Variants in PRKCB observed in about 807,000 individuals in gnomAD.
The protein encoded by PRKCB is protein kinase C beta.
A neutral mutation model predicts 81.5 loss-of-function variants in PRKCB; 13 were observed. That is an observed-to-expected ratio of 0.16 (90% CI 0.10 to 0.25). The LOEUF (loss-of-function observed/expected upper bound fraction) is 0.25, where lower values mean the gene tolerates loss of function less well. Ranked by LOEUF, PRKCB falls within the 10% of genes least tolerant of loss-of-function variation. The pLI, the probability that PRKCB is intolerant of heterozygous loss-of-function variation, is 1.00. For synonymous variants in PRKCB, 335 were observed against 321.4 expected, an observed-to-expected ratio of 1.04 and a Z score of -0.45; for missense variants, 509 against 875.7, an observed-to-expected ratio of 0.58 and a Z score of 5.29.
Position 24,219,677 on chromosome 16 carries a change from C to T in PRKCB, c.*4861C>T. The T allele has an allele frequency of 2.4e-6, 3 of 1,225,702 alleles. No individual in the cohort carries two copies. Among genetic ancestry groups the T allele is most frequent in the Non-Finnish European group, 1.0e-6 (1 of 977,752 alleles). 75.9% of individuals were successfully genotyped at this position (1,225,702 alleles called of 1,614,324 possible). A position where few individuals can be genotyped will look rare whatever the true frequency, so the allele number is the denominator to read the frequency against. On this transcript the variant is annotated 3_prime_UTR_variant, in exon 17 of 17. Coordinates refer to ENST00000643927, the MANE Select transcript of PRKCB (RefSeq NM_002738.7). ...AGCAACACACACACACACACACACA[C>T]ACACACACACACACACACACACACA...
intron 8 of PRKCB, among the ~76,000 whole-genome samples, chr16:24,120,026 C>T (rs1350848499): frequency 6.6e-6 from 1 of 152,132 alleles, no homozygotes; most frequent in African/African-American, 2.4e-5. Context: ...TACAAAGAGA[C>T]AAATTACCGA....
intron 2 of PRKCB, among the ~76,000 whole-genome samples, chr16:23,951,682 T>C (rs1964286946): frequency 1.3e-5 from 2 of 149,712 alleles, no homozygotes; most frequent in Non-Finnish European, 3.0e-5. Context: ...CCTCCCAAGG[T>C]GCTGAGATTA....
chr16:24,170,067 C>T (rs1333083936), intron 10 of PRKCB, among the ~76,000 whole-genome samples: 2 of 152,198 alleles, frequency 1.3e-5, no homozygotes, highest in Admixed American at 1.3e-4. Flanking sequence ...CAGGCACGAG[C>T]CGCTGTGCCC....
rs546583817 is a variant in PRKCB, at chr16:24,046,866, GCAGT to G, written c.529+11322_529+11325del. 2.8e-3 allele frequency among the ~76,000 whole-genome samples: 420 copies of G among 152,220 alleles called. 1 individual carries two copies. The highest frequency in any genetic ancestry group is 4.5e-3 in the Non-Finnish European group (305 of 68,018). Reference sequence around the variant, plus strand: ...TAGGCCCCAAAACCACCCAGTGGGGGCAGTCATTTTGTTTTTCTCATTTTACAAA... The same window carrying G: ...TAGGCCCCAAAACCACCCAGTGGGGGCATTTTGTTTTTCTCATTTTACAAA... On this transcript the variant is annotated intron_variant, in intron 5 of 16. Coordinates refer to ENST00000643927, the MANE Select transcript of PRKCB (RefSeq NM_002738.7).
intron 5 of PRKCB, among the ~76,000 whole-genome samples, chr16:24,080,408 A>G (rs1966234485): frequency 6.6e-6 from 1 of 152,208 alleles, no homozygotes; most frequent in Non-Finnish European, 1.5e-5. Context: ...GATTGCACCA[A>G]AGGGAGGAGA....
intron 5 of PRKCB, among the ~76,000 whole-genome samples, chr16:24,085,149 G>A (rs200127997): frequency 8.7e-4 from 120 of 138,086 alleles, no homozygotes; most frequent in Non-Finnish European, 8.3e-4. Flanking sequence ...TTGATGAAAT[G>A]AAAAAAAAAA....
intron 2 of PRKCB, among the ~76,000 whole-genome samples, chr16:23,867,082 CTTTCTTTCTCTT>C (rs1962819556): frequency 7.0e-6 from 1 of 143,456 alleles, no homozygotes; most frequent in Non-Finnish European, 1.5e-5. Flanking sequence ...CTTTCTCTTT[CTTTCTTTCTCTT>C]TCTTTCTTTC....
At chr16:23,951,005 C>A (rs374359486) in intron 2 of PRKCB, among the ~76,000 whole-genome samples, 6 of 152,274 alleles carry the variant, frequency 3.9e-5, no homozygotes, top group East Asian at 1.9e-4. Context: ...TGTTATCCTG[C>A]CGGCAGTCAT....
At chr16:24,175,921 G>A (rs1006955680) in intron 12 of PRKCB, among the ~76,000 whole-genome samples, 32 of 147,228 alleles carry the variant, frequency 2.2e-4, no homozygotes, top group African/African-American at 6.5e-4. Context: ...GCAATGAGCT[G>A]TGATCATACT....
At chr16:23,945,461 G>A (rs961744906) in intron 2 of PRKCB, among the ~76,000 whole-genome samples, 4 of 152,186 alleles carry the variant, frequency 2.6e-5, no homozygotes, top group Admixed American at 1.3e-4. Context: ...GCAGGGTGCC[G>A]GCAGCCCTTC....
chr16:24,163,816 C>A (rs1289387662), intron 10 of PRKCB, among the ~76,000 whole-genome samples: 1 of 152,202 alleles, frequency 6.6e-6, no homozygotes, highest in Non-Finnish European at 1.5e-5. Context: ...GCTGTCATTA[C>A]CCCCTTTTGG....
At chr16:24,087,681 G>A (rs1966326545) in intron 5 of PRKCB, among the ~76,000 whole-genome samples, 1 of 152,160 alleles carries the variant, frequency 6.6e-6, no homozygotes, top group Admixed American at 6.5e-5. Flanking sequence ...CAATTATTCT[G>A]AGTTTTCTGA....
chr16:23,946,827 C>T (rs1335763650), intron 2 of PRKCB, among the ~76,000 whole-genome samples: 1 of 150,912 alleles, frequency 6.6e-6, no homozygotes, highest in Non-Finnish European at 1.5e-5. Flanking sequence ...GTCCATAGAT[C>T]ACACGTTTTC....
intron 2 of PRKCB, among the ~76,000 whole-genome samples, chr16:23,894,983 A>G (rs1474319999): frequency 6.6e-6 from 1 of 152,176 alleles, no homozygotes; most frequent in African/African-American, 2.4e-5. Flanking sequence ...ATAAATGGCA[A>G]AGGATTTAGA....
intron 5 of PRKCB, among the ~76,000 whole-genome samples, chr16:24,077,809 A>T (rs1033895702): frequency 1.3e-5 from 2 of 152,224 alleles, no homozygotes; most frequent in African/African-American, 2.4e-5. Flanking sequence ...TCTGAGGATC[A>T]TGGTCTGAGA....
rs760838283 is a variant in PRKCB at position 24,123,839 on chromosome 16, C to A, written c.923C>A (p.Ala308Asp). ...NEELRQKFER[A>D]KISQGTKVPE... Reference sequence around the variant, plus strand: ...CTGTGTGCTTCCTTTTTGCAGAGGGCCAAGATCAGTCAGGGAACCAAGGTC... The same window carrying A: ...CTGTGTGCTTCCTTTTTGCAGAGGGACAAGATCAGTCAGGGAACCAAGGTC... The change falls in exon 9 of 17, where the codon GCC becomes GAC. Residue 308 changes from alanine (A) to aspartate (D), a missense_variant. Around this residue, in one of 6 missense-constraint regions of PRKCB, gnomAD observed 80 missense variants for 89.4 expected, o/e 0.90. Coordinates refer to ENST00000643927, the MANE Select transcript of PRKCB (RefSeq NM_002738.7). The A allele has an allele frequency of 6.2e-7, 1 of 1,613,788 alleles. No homozygotes were observed. The highest frequency in any genetic ancestry group is 1.3e-5 in the African/African-American group (1 of 74,984).
Position 24,217,295 on chromosome 16 carries a change from A to T in PRKCB, c.*2479A>T. 1 of 985,404 alleles carries T rather than the reference A, an allele frequency of 1.0e-6. No individual in the cohort carries two copies. Among genetic ancestry groups the T allele is most frequent in the Non-Finnish European group, 1.2e-6 (1 of 829,920 alleles). 61.0% of individuals were successfully genotyped at this position (985,404 alleles called of 1,614,324 possible). A position where few individuals can be genotyped will look rare whatever the true frequency, so the allele number is the denominator to read the frequency against. ...TCAAGCCAAAGTCTGTTTTAGAGAA[A>T]CTTTCCATGGAAAGTCAGAATTTCT... On this transcript the variant is annotated 3_prime_UTR_variant, in exon 17 of 17. Transcript: ENST00000643927.
chr16:24,101,301 C>A (rs772482467), intron 7 of PRKCB, among the ~76,000 whole-genome samples: 53 of 152,196 alleles, frequency 3.5e-4, no homozygotes, highest in Non-Finnish European at 6.9e-4. Context: ...AATCCCCGCA[C>A]TTTGGGAGTG....
intron 3 of PRKCB, among the ~76,000 whole-genome samples, chr16:24,026,915 A>G (rs745426185): frequency 2.0e-5 from 3 of 152,030 alleles, no homozygotes; most frequent in Non-Finnish European, 4.4e-5. Context: ...AATTAAATCA[A>G]CTCTGCCTCC....
Sources: allele counts gnomAD v4.1 joint callset (sites outside exome capture counted in the v4.1 genomes callset), GRCh38; gene constraint gnomAD v4.1.1; regional missense constraint gnomAD v4.1.1; transcripts MANE v1.5; gene names NCBI Gene and HGNC (gene_info 2026-07-23, HGNC 2026-07-21).